Variants in SPAST observed in about 807,000 individuals in gnomAD.
The protein encoded by SPAST is spastic paraplegia 4 (autosomal dominant; spastin).
A neutral mutation model predicts 76.6 loss-of-function variants in SPAST; 30 were observed. The observed-to-expected ratio is 0.39, with a 90% CI of 0.29 to 0.53. SPAST has a LOEUF of 0.53. Ranked by LOEUF, SPAST falls within the 20% of genes least tolerant of loss-of-function variation. The pLI is 0.68. For missense variants in SPAST, 717 were observed against 770.5 expected (o/e 0.93, Z 0.82); for synonymous variants, 305 against 281.0 (o/e 1.09, Z -0.86).
chr2:32,070,664 CTGT>C (rs1462203400), intron 1 of SPAST, among the ~76,000 whole-genome samples: 9 of 152,134 alleles, frequency 5.9e-5, no homozygotes, highest in African/African-American at 2.2e-4. Context: ...GGGCCTTGGT[CTGT>C]TGTTCAGGCT....
intron 3 of SPAST, among the ~76,000 whole-genome samples, chr2:32,093,973 C>G (rs1677827741): frequency 6.6e-6 from 1 of 152,162 alleles, no homozygotes; most frequent in Admixed American, 6.5e-5. Context: ...CCATTTTTAA[C>G]AGAGAGGCTA....
At chr2:32,064,274 G>T in intron 1 of SPAST, 28 bp downstream of exon 1, 1 of 1,496,422 alleles carries the variant, frequency 6.7e-7, no homozygotes, top group South Asian at 1.2e-5. Context: ...GGAGGGGGCG[G>T]CGGCGCCGGG....
At chr2:32,073,929 A>C (rs958877018) in intron 1 of SPAST, among the ~76,000 whole-genome samples, 1 of 152,186 alleles carries the variant, frequency 6.6e-6, no homozygotes, top group African/African-American at 2.4e-5. Flanking sequence ...GCAGAGGGAG[A>C]GAATTAACTT....
At chr2:32,108,804 C>T (rs552008583) in intron 4 of SPAST, among the ~76,000 whole-genome samples, 3 of 116,722 alleles carry the variant, frequency 2.6e-5, no homozygotes, top group African/African-American at 3.3e-5. Flanking sequence ...CTCACTCTGT[C>T]GCCCAGGGTG....
intron 3 of SPAST, among the ~76,000 whole-genome samples, chr2:32,090,350 C>T (rs1008070783): frequency 1.3e-5 from 2 of 152,170 alleles, no homozygotes; most frequent in African/African-American, 4.8e-5. Context: ...AGCCTGCCAT[C>T]TTCACTTGAC....
At chr2:32,129,399 C>G (rs1009124493) in intron 9 of SPAST, 1 of 152,044 alleles carries the variant, frequency 6.6e-6, no homozygotes, top group Non-Finnish European at 1.5e-5. Flanking sequence ...AGTAGATTTT[C>G]CCTGCTTTCT....
intron 1 of SPAST, among the ~76,000 whole-genome samples, 172 bp downstream of exon 1, chr2:32,064,418 C>G (rs1462319632): frequency 1.3e-5 from 2 of 152,150 alleles, no homozygotes. Flanking sequence ...TTCTAGTATT[C>G]TTAAAACCTC....
chr2:32,151,360 A>C (rs1398031279), intron 16 of SPAST, among the ~76,000 whole-genome samples: 1 of 152,202 alleles, frequency 6.6e-6, no homozygotes, highest in Non-Finnish European at 1.5e-5. Flanking sequence ...TAAAGCACTT[A>C]AAGTAGCTGG....
chr2:32,072,813 C>T (rs1676805597), intron 1 of SPAST, among the ~76,000 whole-genome samples: 1 of 152,154 alleles, frequency 6.6e-6, no homozygotes, highest in African/African-American at 2.4e-5. Context: ...AAAACCTATA[C>T]CTACCACTTT....
Position 32,155,293 on chromosome 2 carries a change from G to A in SPAST, c.*797G>A, listed in dbSNP as rs1474536221. ...TTTCTAATGTATTTGTCAGAAATCT[G>A]TTGTAGACTGTTAACTTCTTCCTGA... On this transcript the variant is annotated 3_prime_UTR_variant, in exon 17 of 17. Coordinates refer to ENST00000315285, the MANE Select transcript of SPAST (RefSeq NM_014946.4). 2 of 152,410 alleles carry A rather than the reference G, an allele frequency of 1.3e-5. No homozygotes were observed. The highest frequency in any genetic ancestry group is 2.9e-5 in the Non-Finnish European group (2 of 67,974). 9.4% of individuals were successfully genotyped at this position (152,410 alleles called of 1,614,324 possible).
At chr2:32,109,563 A>C (rs1678453727) in intron 4 of SPAST, among the ~76,000 whole-genome samples, 1 of 151,242 alleles carries the variant, frequency 6.6e-6, no homozygotes. Flanking sequence ...TATATTTCCA[A>C]ATACAATGCT....
chr2:32,106,875 A>G (rs566181274), intron 4 of SPAST, among the ~76,000 whole-genome samples: 7 of 151,408 alleles, frequency 4.6e-5, no homozygotes, highest in African/African-American at 1.7e-4. Context: ...TGACATTTTC[A>G]GAAGGCACTT....
intron 3 of SPAST, among the ~76,000 whole-genome samples, chr2:32,091,361 C>G (rs1350297612): frequency 6.7e-6 from 1 of 149,512 alleles, no homozygotes; most frequent in Admixed American, 6.7e-5. Context: ...GCTCAATGCA[C>G]CCTCCACCTC....
At chr2:32,140,002 C>T (rs898307879) in intron 12 of SPAST, among the ~76,000 whole-genome samples, 1 of 152,084 alleles carries the variant, frequency 6.6e-6, no homozygotes, top group African/African-American at 2.4e-5. Context: ...TTGGAAGAAT[C>T]AATATCGTTA....
chr2:32,117,357 C>A (rs1678874407), intron 7 of SPAST, among the ~76,000 whole-genome samples: 2 of 151,930 alleles, frequency 1.3e-5, no homozygotes. Context: ...TGAGTTTTCC[C>A]AGAATTGGAT....
intron 3 of SPAST, among the ~76,000 whole-genome samples, chr2:32,094,129 C>T (rs1049318104): frequency 1.3e-5 from 2 of 152,164 alleles, no homozygotes; most frequent in Non-Finnish European, 2.9e-5. Flanking sequence ...ACTATTAATA[C>T]ACGTTTGTAC....
chr2:32,116,079 C>CTGTT (rs1558324626), intron 6 of SPAST, 40 bp from the exon 7 acceptor site: 1 of 1,408,668 alleles, frequency 7.1e-7, no homozygotes, highest in South Asian at 1.2e-5. Context: ...TAACTGGGCC[C>CTGTT]TGTTTGTATC....
intron 14 of SPAST, among the ~76,000 whole-genome samples, 178 bp from the exon 15 acceptor site, chr2:32,144,759 C>T (rs1165858610): frequency 6.6e-6 from 1 of 152,090 alleles, no homozygotes; most frequent in Non-Finnish European, 1.5e-5. Context: ...TGCGGTGGCG[C>T]ATGCCTATAA....
chr2:32,113,027 C>T (rs1183065064), intron 4 of SPAST, among the ~76,000 whole-genome samples: 3 of 152,152 alleles, frequency 2.0e-5, no homozygotes, highest in Non-Finnish European at 4.4e-5. Flanking sequence ...TCAACTTAAT[C>T]AGAGGTGTTC....
Sources: allele counts gnomAD v4.1 joint callset (sites outside exome capture counted in the v4.1 genomes callset), GRCh38; gene constraint gnomAD v4.1.1; transcripts MANE v1.5; gene names NCBI Gene and HGNC (gene_info 2026-07-23, HGNC 2026-07-21).